Variants in POLE observed in about 807,000 individuals in gnomAD.
The protein encoded by POLE is DNA polymerase epsilon catalytic subunit A.
POLE carries 188 observed loss-of-function variants against 279.2 expected under a neutral mutation model. The observed-to-expected ratio is 0.67, with a 90% CI of 0.60 to 0.76. The LOEUF is 0.76. Among genes scored for constraint, POLE ranks in the 30% least tolerant of loss-of-function variants. The pLI, the probability that POLE is intolerant of heterozygous loss-of-function variation, is 0.00. For synonymous variants in POLE, 1,214 were observed against 1,172.5 expected (o/e 1.04, Z -0.72); for missense variants, 2,703 against 3,016.7 (o/e 0.90, Z 2.44).
rs377036799 is a variant in POLE at position 132,665,328 on chromosome 12, G to A, written c.2442C>T (p.Ser814=). Residue 814 remains serine, a synonymous_variant, in exon 21 of 49, where the codon TCC becomes TCT. Coordinates refer to ENST00000320574, the MANE Select transcript of POLE (RefSeq NM_006231.4). ...CCTTGCGCATGACATAGCCATAGAA[G>A]GAGTTCAGGATGCACTTGTGGGCCA... ...LQLAHKCILN[S]FYGYVMRKGA... 9.9e-6 allele frequency: 16 copies of A among 1,613,808 alleles called. No individual in the cohort carries two copies. In the Middle Eastern group the frequency reaches 8.2e-4, roughly 83 times the overall value.
rs1030310872 is a variant in POLE at position 132,638,237 on chromosome 12, G to A, written c.5553-98C>T. The A allele has an allele frequency of 1.5e-5, 18 of 1,163,532 alleles. No homozygotes were observed. The East Asian group carries it at 1.8e-4, about 12-fold the overall frequency. 72.1% of individuals were successfully genotyped at this position (1,163,532 alleles called of 1,614,324 possible). ...AAGAGGGAAAAGAGCTGAGGGTCCT[G>A]AAGCAGAAAAGCCTCCGAGATACAC... is the stretch of plus-strand genomic sequence containing the variant. On this transcript the variant is annotated intron_variant, in intron 40 of 48. Coordinates refer to ENST00000320574, the MANE Select transcript of POLE (RefSeq NM_006231.4).
At chr12:132,648,747 C>T (rs992160753) in intron 32 of POLE, 182 bp downstream of exon 32, 1 of 617,220 alleles carries the variant, frequency 1.6e-6, no homozygotes, top group East Asian at 2.9e-5. Context: ...CCAGCAGCTC[C>T]ATTCCCGGCA....
At chr12:132,671,168 C>G (rs979167688) in intron 16 of POLE, among the ~76,000 whole-genome samples, 2 of 144,810 alleles carry the variant, frequency 1.4e-5, no homozygotes, top group African/African-American at 5.1e-5. Context: ...GAGGCTGAGA[C>G]AGGAGAATCG....
chr12:132,647,251 A>G (rs2042306155), intron 32 of POLE, among the ~76,000 whole-genome samples: 1 of 151,898 alleles, frequency 6.6e-6, no homozygotes, highest in Non-Finnish European at 1.5e-5. Flanking sequence ...GTGAGGCAAG[A>G]TCATGCCACT....
intron 40 of POLE, chr12:132,638,894 G>A (rs2042085174): frequency 5.4e-6 from 3 of 553,480 alleles, no homozygotes; most frequent in African/African-American, 1.9e-5. Flanking sequence ...ACTTTGTGCA[G>A]GAAAGGGGCA....
Position 132,664,050 on chromosome 12 carries a change from T to G in POLE, c.2660A>C (p.Lys887Thr). 6.2e-7 allele frequency: 1 copy of G among 1,614,202 alleles called. No individual in the cohort carries two copies. The highest frequency in any genetic ancestry group is 8.5e-7 in the Non-Finnish European group (1 of 1,180,024). The stretch of plus-strand genomic sequence containing the variant: ...GGCGCCTGGGTAGGAGATGGTCACT[T>G]TGGGCTTCTTCACATTGGTCGTCTT... ...VFKTTNVKKPKVTISYPGAML... is the reference protein window; with the variant it reads ...VFKTTNVKKPTVTISYPGAML... Residue 887 changes from lysine (K) to threonine (T), a missense_variant, in exon 23 of 49, where the codon AAA becomes ACA. Coordinates refer to ENST00000320574, the MANE Select transcript of POLE (RefSeq NM_006231.4). This position sits in a 1 kb window ranked among gnomAD's most constrained non-coding sequence, Gnocchi z 5.3.
chr12:132,649,775 G>A lies in POLE; in HGVS notation c.3697C>T (p.Arg1233Ter), dbSNP rs745750549. 9.3e-6 allele frequency: 15 copies of A among 1,614,098 alleles called. No individual in the cohort carries two copies. The highest frequency in any genetic ancestry group is 2.7e-5 in the African/African-American group (2 of 74,930). The change falls in exon 30 of 49, where the codon CGA (arginine) becomes TGA (stop). Residue 1233 changes from arginine to a stop codon, truncating the protein, a stop_gained. Coordinates refer to ENST00000320574, the MANE Select transcript of POLE (RefSeq NM_006231.4). LOFTEE classifies it high-confidence loss of function. ...PAAPVTVKRK[R>*]VLWESQEESQ... is the part of the protein sequence containing the mutation. ...TCCTCCTGGCTCTCCCAAAGAACTCGCTTCCTCTTCACAGTGACAGGGGCT... is the reference window on the plus strand; with the variant it reads ...TCCTCCTGGCTCTCCCAAAGAACTCACTTCCTCTTCACAGTGACAGGGGCT...
chr12:132,635,843 G>T, intron 42 of POLE, 49 bp downstream of exon 42: 2 of 1,573,034 alleles, frequency 1.3e-6, no homozygotes, highest in South Asian at 1.2e-5. Context: ...CTGCAGGAAT[G>T]AACGCGACCC....
At chr12:132,660,876 C>T (rs2042662400) in intron 25 of POLE, 93 bp downstream of exon 25, 3 of 1,021,954 alleles carry the variant, frequency 2.9e-6, no homozygotes, top group Non-Finnish European at 4.3e-6. Context: ...TCTTCGGTCA[C>T]CTTGGTCTCC....
At position 132,649,389 on chromosome 12, in the gene POLE, G is replaced by A. The variant is rs763854815; in HGVS notation, c.3922C>T (p.Arg1308Trp). ...CCCAGCCCCGTGGCAGGACCATCCCGGATGGCCCCGGGCCTGAGCACACCC... is the reference window on the plus strand; with the variant it reads ...CCCAGCCCCGTGGCAGGACCATCCCAGATGGCCCCGGGCCTGAGCACACCC... ...AEGVLRPGAI[R>W]DGPATGLGSF... Residue 1308 changes from arginine (R) to tryptophan (W), a missense_variant, in exon 31 of 49, where the codon CGG (arginine) becomes TGG (tryptophan). By Grantham distance (101) the Arg-to-Trp change is moderately radical. Transcript: ENST00000320574. 3.1e-5 allele frequency: 50 copies of A among 1,613,212 alleles called. 1 individual carries two copies. The African/African-American group carries it at 4.7e-4, about 15-fold the overall frequency.
intron 38 of POLE, 39 bp from the exon 39 acceptor site, chr12:132,641,890 A>T (rs2042153034): frequency 6.3e-7 from 1 of 1,586,998 alleles, no homozygotes; most frequent in Non-Finnish European, 8.5e-7. Context: ...GCATCCTGCC[A>T]GCTCCAGCAC....
rs1480225177 is a variant in POLE at position 132,634,445 on chromosome 12, C to G, written c.5812-67G>C. The G allele has an allele frequency of 6.7e-7, 1 of 1,490,408 alleles. No individual in the cohort carries two copies. Among genetic ancestry groups the G allele is most frequent in the Non-Finnish European group, 9.2e-7 (1 of 1,087,698 alleles). 92.3% of individuals were successfully genotyped at this position (1,490,408 alleles called of 1,614,324 possible). Reference sequence around the variant, plus strand: ...GGCCTGGTAGAGGGGTAGGATGCCACAGCGAAGGCTCCTCCAACCTGGGTC... The same window carrying G: ...GGCCTGGTAGAGGGGTAGGATGCCAGAGCGAAGGCTCCTCCAACCTGGGTC... On this transcript the variant is annotated intron_variant, in intron 42 of 48. Transcript: ENST00000320574. This position sits in a 1 kb window ranked among gnomAD's most constrained non-coding sequence, Gnocchi z 4.0.
At position 132,668,521 on chromosome 12, in the gene POLE, G is replaced by C; in HGVS notation, c.2027-19C>G. The C allele has an allele frequency of 6.3e-7, 1 of 1,581,412 alleles. No homozygotes were observed. The highest frequency in any genetic ancestry group is 1.1e-5 in the South Asian group (1 of 87,296). On this transcript the variant is annotated intron_variant, in intron 18 of 48. Transcript: ENST00000320574. The surrounding 1 kb of genome is among the most constrained non-coding windows in gnomAD (Gnocchi z 4.0). ...GCTGGCACTGGGAAGGAGGCAATGG[G>C]GGCAAGTTCAAAAGGAGGCACAGAC...
rs5744924 is a variant in POLE, at chr12:132,644,792, G to A, written c.4150-815C>T. 1.9e-3 allele frequency among the ~76,000 whole-genome samples: 200 copies of A among 103,010 alleles called. 1 individual carries two copies. Among genetic ancestry groups the A allele is most frequent in the African/African-American group, 7.6e-3 (186 of 24,506 alleles). The allele number at this position is 103,010 out of a possible 152,430, so 67.6% of individuals were successfully genotyped here. On this transcript the variant is annotated intron_variant, in intron 32 of 48. Transcript: ENST00000320574. ...CCTAGCTCCCTGTGTGGGGTCCTGGGGGGGTCTGGGAGAGCTGGAGAGGGG... is the reference window on the plus strand; with the variant it reads ...CCTAGCTCCCTGTGTGGGGTCCTGGAGGGGTCTGGGAGAGCTGGAGAGGGG...
At position 132,632,804 on chromosome 12, in the gene POLE, A is replaced by T. The variant is rs1194740695; in HGVS notation, c.6005-9T>A. 1.3e-6 allele frequency: 2 copies of T among 1,595,954 alleles called. No individual in the cohort carries two copies. On this transcript the variant is annotated splice_polypyrimidine_tract_variant and intron_variant, in intron 43 of 48. Transcript: ENST00000320574. Reference sequence around the variant, plus strand: ...CACGGCCACGATGTACGCTGTGGAGAGGCACACACACCACAGGCCCTGAGT... The same window carrying T: ...CACGGCCACGATGTACGCTGTGGAGTGGCACACACACCACAGGCCCTGAGT...
chr12:132,625,958 G>A (rs887369578), intron 46 of POLE, 159 bp downstream of exon 46: 2 of 1,086,330 alleles, frequency 1.8e-6, no homozygotes, highest in Admixed American at 2.2e-5. Flanking sequence ...TCCGAACATG[G>A]TGTGGGGAGG....
chr12:132,667,480 G>C (rs1411128268), intron 20 of POLE, 23 bp downstream of exon 20: 4 of 1,612,426 alleles, frequency 2.5e-6, no homozygotes, highest in Admixed American at 1.7e-5. Flanking sequence ...AGAGGCCAAA[G>C]CTTGCAGCCC....
rs941006566 is a variant in POLE at position 132,675,291 on chromosome 12, G to T, written c.1226+107C>A. On this transcript the variant is annotated intron_variant, in intron 12 of 48. Transcript: ENST00000320574. This position sits in a 1 kb window ranked among gnomAD's most constrained non-coding sequence, Gnocchi z 4.3. ...TTGGGTGACCTGAAACGGCCTCTCGGAGGCCACCCTCCTCCCATGAGATGT... is the reference window on the plus strand; with the variant it reads ...TTGGGTGACCTGAAACGGCCTCTCGTAGGCCACCCTCCTCCCATGAGATGT... The T allele has an allele frequency of 6.9e-7, 1 of 1,449,132 alleles. No individual in the cohort carries two copies. The highest frequency in any genetic ancestry group is 1.4e-5 in the African/African-American group (1 of 70,840). The allele number at this position is 1,449,132 out of a possible 1,614,324, so 89.8% of individuals were successfully genotyped here.
chr12:132,672,387 T>A (rs2042949731), intron 15 of POLE, 65 bp from the exon 16 acceptor site: 2 of 1,363,688 alleles, frequency 1.5e-6, no homozygotes, highest in Non-Finnish European at 2.1e-6. Context: ...GCCTCAGGTT[T>A]GACGCTGTGG....
Sources: allele counts gnomAD v4.1 joint callset (sites outside exome capture counted in the v4.1 genomes callset), GRCh38; gene constraint gnomAD v4.1.1; non-coding constraint Gnocchi (gnomAD v3.1); transcripts MANE v1.5; gene names NCBI Gene and HGNC (gene_info 2026-07-23, HGNC 2026-07-21).